The following CWF19L1 variants were observed in gnomAD, a reference collection of about 807,000 sequenced individuals.
The protein encoded by CWF19L1 is CWF19-like protein 1.
In CWF19L1, 60 loss-of-function variants were observed where a neutral mutation model predicts 69.7. The observed-to-expected ratio is 0.86, with a 90% CI of 0.70 to 1.07. The LOEUF (loss-of-function observed/expected upper bound fraction) is 1.07, where lower values mean the gene tolerates loss of function less well. Ranked by LOEUF, CWF19L1 falls within the 50% of genes least tolerant of loss-of-function variation. The pLI is 0.00. For synonymous variants in CWF19L1, 209 were observed against 222.2 expected (o/e 0.94, Z 0.53); for missense variants, 591 against 638.9 (o/e 0.92, Z 0.81).
chr10:100,248,425 A>G (rs1246213015), intron 7 of CWF19L1: 2 of 709,410 alleles, frequency 2.8e-6, no homozygotes. Context: ...GAAGGGACTC[A>G]CTTTCTCATT....
At position 100,267,586 on chromosome 10, in the gene CWF19L1, T is replaced by C. The variant is rs778278291; in HGVS notation, c.8A>G (p.Gln3Arg). The change falls in exon 1 of 14, where the codon CAG becomes CGG. Residue 3 changes from glutamine (Q) to arginine (R), a missense_variant. Around this residue, in one of 3 missense-constraint regions of CWF19L1, gnomAD observed 129 missense variants for 131.3 expected, o/e 0.98. Transcript: ENST00000354105. ...GGTCACTCACAGGCGCAGCGGTTTCTGTGCCATCTGTCCGAATAGTATGGG... is the reference window on the plus strand; with the variant it reads ...GGTCACTCACAGGCGCAGCGGTTTCCGTGCCATCTGTCCGAATAGTATGGG... MA[Q>R]KPLRLLACGD... 25 of 1,614,022 alleles carry C rather than the reference T, an allele frequency of 1.5e-5. 1 individual carries two copies. Among genetic ancestry groups the C allele is most frequent in the Middle Eastern group, 1.6e-4 (1 of 6,084 alleles).
At chr10:100,255,894 C>A (rs1463821332) in intron 5 of CWF19L1, among the ~76,000 whole-genome samples, 1 of 151,698 alleles carries the variant, frequency 6.6e-6, no homozygotes, top group Non-Finnish European at 1.5e-5. Flanking sequence ...CGCACCACTG[C>A]ACTCCAACCT....
At chr10:100,256,833 C>G (rs17730369) in intron 4 of CWF19L1, among the ~76,000 whole-genome samples, 11,413 of 152,172 alleles carry the variant, frequency 0.075, 578 homozygotes, top group African/African-American at 0.14. Flanking sequence ...GACATCTGGA[C>G]ACAGGAAAAG....
At chr10:100,248,066 T>C (rs1405034926) in intron 7 of CWF19L1, among the ~76,000 whole-genome samples, 2 of 152,216 alleles carry the variant, frequency 1.3e-5, no homozygotes, top group East Asian at 1.9e-4. Flanking sequence ...AAGTTGCTTA[T>C]GGCTGAGGCT....
At chr10:100,243,866 T>A in intron 9 of CWF19L1, 89 bp from the exon 10 acceptor site, 1 of 1,092,888 alleles carries the variant, frequency 9.2e-7, no homozygotes, top group Non-Finnish European at 1.4e-6. Context: ...CTGATTTTTA[T>A]ATCCTGAAAA....
chr10:100,264,935 A>G (rs1402230454), intron 1 of CWF19L1, among the ~76,000 whole-genome samples: 6 of 151,948 alleles, frequency 3.9e-5, no homozygotes, highest in Admixed American at 6.6e-5. Context: ...AGCCTGGGTA[A>G]CATAGCAAAA....
At chr10:100,251,491 A>G (rs879875707) in intron 6 of CWF19L1, among the ~76,000 whole-genome samples, 63 of 123,154 alleles carry the variant, frequency 5.1e-4, no homozygotes, top group Admixed American at 2.9e-3. Context: ...GCATCTTTTT[A>G]TATGTCTATT....
chr10:100,263,103 G>C (rs946067983), intron 1 of CWF19L1, among the ~76,000 whole-genome samples: 1 of 152,090 alleles, frequency 6.6e-6, no homozygotes, highest in Non-Finnish European at 1.5e-5. Flanking sequence ...ATTCAAAGTA[G>C]AGAATACATT....
intron 5 of CWF19L1, chr10:100,254,275 G>A (rs1847138950): frequency 6.6e-6 from 1 of 152,220 alleles, no homozygotes; most frequent in African/African-American, 2.4e-5. Flanking sequence ...AGGATCCACA[G>A]AATATCTGGT....
Position 100,243,826 on chromosome 10 carries a change from A to T in CWF19L1, c.965-49T>A, listed in dbSNP as rs778567834. On this transcript the variant is annotated intron_variant, in intron 9 of 13. Coordinates refer to ENST00000354105, the MANE Select transcript of CWF19L1 (RefSeq NM_018294.6). ...GTTACTATGGTCCAAGCACTACAGC[A>T]TATAATCACCCCACAGAACTCAGCT... 2.8e-6 allele frequency: 4 copies of T among 1,418,800 alleles called. No homozygotes were observed. The African/African-American group carries it at 4.2e-5, about 15-fold the overall frequency. 87.9% of individuals were successfully genotyped at this position (1,418,800 alleles called of 1,614,324 possible). A position where few individuals can be genotyped will look rare whatever the true frequency, so the allele number is the denominator to read the frequency against.
At chr10:100,256,535 A>G (rs1056829854) in intron 4 of CWF19L1, 59 bp from the exon 5 acceptor site, 2 of 1,349,054 alleles carry the variant, frequency 1.5e-6, no homozygotes, top group Non-Finnish European at 2.1e-6. Context: ...AAAGCCATCA[A>G]TAGGGGGATG....
chr10:100,260,719 C>A (rs1027512520), intron 3 of CWF19L1, among the ~76,000 whole-genome samples: 8 of 152,132 alleles, frequency 5.3e-5, no homozygotes, highest in African/African-American at 1.9e-4. Flanking sequence ...CACACGGTTT[C>A]ACCATGTTGG....
At chr10:100,252,990 A>G (rs983270845) in intron 6 of CWF19L1, among the ~76,000 whole-genome samples, 7 of 152,214 alleles carry the variant, frequency 4.6e-5, no homozygotes, top group Non-Finnish European at 8.8e-5. Flanking sequence ...TAACATATAC[A>G]TTATCTCATA....
chr10:100,250,161 G>T, intron 7 of CWF19L1, 87 bp downstream of exon 7: 1 of 917,722 alleles, frequency 1.1e-6, no homozygotes, highest in Non-Finnish European at 1.8e-6. Flanking sequence ...AGGGAGAAGA[G>T]AAGATCTGAA....
chr10:100,253,555 T>G lies in CWF19L1; in HGVS notation c.505-16A>C, dbSNP rs1847112173. On this transcript the variant is annotated splice_polypyrimidine_tract_variant and intron_variant, in intron 5 of 13. Coordinates refer to ENST00000354105, the MANE Select transcript of CWF19L1 (RefSeq NM_018294.6). ...CCACTTCTCCCTAGTAAACAAAAACTTAGTCATCCATACAGACCAAAAGTT... is the reference window on the plus strand; with the variant it reads ...CCACTTCTCCCTAGTAAACAAAAACGTAGTCATCCATACAGACCAAAAGTT... The G allele has an allele frequency of 1.3e-6, 2 of 1,493,674 alleles. No individual in the cohort carries two copies. Among genetic ancestry groups the G allele is most frequent in the African/African-American group, 1.4e-5 (1 of 72,546 alleles). The allele number at this position is 1,493,674 out of a possible 1,614,324, so 92.5% of individuals were successfully genotyped here. A position where few individuals can be genotyped will look rare whatever the true frequency, so the allele number is the denominator to read the frequency against.
chr10:100,252,116 C>A (rs1169851180), intron 6 of CWF19L1, among the ~76,000 whole-genome samples: 1 of 152,142 alleles, frequency 6.6e-6, no homozygotes, highest in Admixed American at 6.6e-5. Context: ...TAGGGATAAT[C>A]CATGCCCTTT....
Position 100,246,861 on chromosome 10 carries a change from G to A in CWF19L1, c.783C>T (p.Val261=). The change falls in exon 8 of 14, where the codon GTC becomes GTT. Residue 261 remains valine, a synonymous_variant. Transcript: ENST00000354105. The stretch of plus-strand genomic sequence containing the variant: ...CAGATTTTCTGTAAGGGTTTTCAGT[G>A]ACATCCGGAGGCTGTTTTACCAGTT... ...AAELVKQPPD[V]TENPYRKSGQ... The A allele has an allele frequency of 6.2e-7, 1 of 1,614,078 alleles. No homozygotes were observed. Among genetic ancestry groups the A allele is most frequent in the Non-Finnish European group, 8.5e-7 (1 of 1,179,964 alleles).
At chr10:100,253,667 C>A in intron 5 of CWF19L1, 128 bp from the exon 6 acceptor site, 1 of 584,364 alleles carries the variant, frequency 1.7e-6, no homozygotes, top group Non-Finnish European at 3.1e-6. Context: ...AGGAACTGCA[C>A]ATTGAATTTC....
At chr10:100,256,604 C>T (rs780971432) in intron 4 of CWF19L1, 128 bp from the exon 5 acceptor site, 61 of 688,468 alleles carry the variant, frequency 8.9e-5, no homozygotes, top group South Asian at 6.2e-4. Flanking sequence ...GTAAACTCTC[C>T]AGCAGCTCCC....
Sources: allele counts gnomAD v4.1 joint callset (sites outside exome capture counted in the v4.1 genomes callset), GRCh38; gene constraint gnomAD v4.1.1; regional missense constraint gnomAD v4.1.1; transcripts MANE v1.5; gene names NCBI Gene and HGNC (gene_info 2026-07-23, HGNC 2026-07-21).